FABP12: variants seen among roughly 807,000 people sequenced by gnomAD.
The protein encoded by FABP12 is fatty acid-binding protein 12.
In FABP12, 19 loss-of-function variants were observed where a neutral mutation model predicts 13.7. The ratio of observed to expected loss-of-function variants is 1.39; its 90% CI spans 0.97 to 2.04. The LOEUF is 2.04. Among genes scored for constraint, FABP12 ranks in the 30% most tolerant of loss-of-function variants. The pLI is 0.00. For missense variants in FABP12, 182 were observed against 164.2 expected (o/e 1.11, Z -0.59); for synonymous variants, 61 against 57.0 (o/e 1.07, Z -0.32).
At chr8:81,539,360 T>C (rs1416901280) in intron 2 of FABP12, among the ~76,000 whole-genome samples, 1 of 149,340 alleles carries the variant, frequency 6.7e-6, no homozygotes, top group Non-Finnish European at 1.5e-5. Context: ...ATAATAATTA[T>C]ATGATAAAAT....
intron 1 of FABP12, among the ~76,000 whole-genome samples, chr8:81,546,686 T>G (rs140239547): frequency 8.6e-4 from 131 of 152,196 alleles, no homozygotes; most frequent in African/African-American, 3.2e-3. Flanking sequence ...AAAATAAAAA[T>G]TTCAAAATAT....
At chr8:81,553,553 G>A (rs569876730) in intron 1 of FABP12, among the ~76,000 whole-genome samples, 2 of 152,226 alleles carry the variant, frequency 1.3e-5, no homozygotes, top group African/African-American at 2.4e-5. Flanking sequence ...AGAAATGGGA[G>A]AACCTAGAGA....
chr8:81,544,166 G>A (rs933233559), intron 1 of FABP12, among the ~76,000 whole-genome samples: 6 of 152,148 alleles, frequency 3.9e-5, no homozygotes, highest in Admixed American at 2.6e-4. Context: ...ACTGAAAAGG[G>A]AGGAGTTTAT....
chr8:81,585,521 T>C (rs539741705), intron 1 of FABP12, among the ~76,000 whole-genome samples: 11 of 152,220 alleles, frequency 7.2e-5, no homozygotes, highest in Non-Finnish European at 1.6e-4. Flanking sequence ...GTGTGATGCT[T>C]CCAGCTTTGT....
At chr8:81,553,676 C>T (rs1371833136) in intron 1 of FABP12, among the ~76,000 whole-genome samples, 2 of 152,138 alleles carry the variant, frequency 1.3e-5, no homozygotes, top group Non-Finnish European at 2.9e-5. Flanking sequence ...CAGGCTTATC[C>T]CACTATTCTA....
intron 1 of FABP12, among the ~76,000 whole-genome samples, chr8:81,557,283 T>C (rs138047279): frequency 3.3e-5 from 5 of 152,332 alleles, no homozygotes; most frequent in Admixed American, 2.0e-4. Context: ...TCTTTACTTA[T>C]AAAACACAAT....
chr8:81,537,547 G>A (rs1809252162), upstream of FABP12, among the ~76,000 whole-genome samples: 1 of 152,112 alleles, frequency 6.6e-6, no homozygotes, highest in Non-Finnish European at 1.5e-5. Context: ...AATGGAGAAA[G>A]TTCACTAGAA....
intron 1 of FABP12, among the ~76,000 whole-genome samples, chr8:81,548,225 AT>A (rs1197359963): frequency 6.6e-6 from 1 of 152,166 alleles, no homozygotes; most frequent in Non-Finnish European, 1.5e-5. Context: ...ATTTTCAAAA[AT>A]CCACCAAGTG....
chr8:81,580,379 T>C (rs1366707636), intron 1 of FABP12, among the ~76,000 whole-genome samples: 3 of 152,214 alleles, frequency 2.0e-5, no homozygotes, highest in Non-Finnish European at 4.4e-5. Context: ...ATTTTACTTT[T>C]ATAAGTTTTA....
intron 1 of FABP12, among the ~76,000 whole-genome samples, chr8:81,564,392 T>C (rs1809780001): frequency 6.6e-6 from 1 of 151,768 alleles, no homozygotes; most frequent in Non-Finnish European, 1.5e-5. Flanking sequence ...CATTATAAAA[T>C]ATAATTGTGG....
At chr8:81,526,968 TTA>T in intron 4 of FABP12, 50 bp downstream of exon 4, 1 of 1,035,704 alleles carries the variant, frequency 9.7e-7, no homozygotes, top group Non-Finnish European at 1.4e-6. Flanking sequence ...AGTTGTGATT[TTA>T]TATTAGTCGT....
intron 1 of FABP12, among the ~76,000 whole-genome samples, chr8:81,546,071 T>A (rs1438944853): frequency 6.6e-6 from 1 of 152,190 alleles, no homozygotes; most frequent in East Asian, 1.9e-4. Context: ...GACTTCATCA[T>A]ACACTGTCCC....
At chr8:81,578,736 G>A (rs1288479993) in intron 1 of FABP12, among the ~76,000 whole-genome samples, 3 of 149,844 alleles carry the variant, frequency 2.0e-5, no homozygotes, top group African/African-American at 7.4e-5. Context: ...CGTCCACCTC[G>A]GCCTCCTAAA....
chr8:81,534,561 C>T (rs2129967359), upstream of FABP12, among the ~76,000 whole-genome samples: 1 of 152,282 alleles, frequency 6.6e-6, no homozygotes, highest in South Asian at 2.1e-4. Flanking sequence ...ACTTCTTGTT[C>T]ATCCTGCCTG....
At chr8:81,587,529 A>G (rs561135970) in intron 1 of FABP12, among the ~76,000 whole-genome samples, 1 of 152,210 alleles carries the variant, frequency 6.6e-6, no homozygotes, top group Non-Finnish European at 1.5e-5. Context: ...CTGTATTTAT[A>G]GATATTTTAT....
intron 1 of FABP12, among the ~76,000 whole-genome samples, chr8:81,561,657 G>T (rs994216833): frequency 6.6e-6 from 1 of 152,176 alleles, no homozygotes; most frequent in Non-Finnish European, 1.5e-5. Context: ...CACGGTGATT[G>T]TGGGACTTTG....
chr8:81,565,560 GTGT>G (rs1563554081), intron 1 of FABP12, among the ~76,000 whole-genome samples: 1 of 151,938 alleles, frequency 6.6e-6, no homozygotes, highest in African/African-American at 2.4e-5. Context: ...ATTAAACAAC[GTGT>G]TGTTGAATGA....
intron 1 of FABP12, among the ~76,000 whole-genome samples, chr8:81,578,882 T>C (rs1180267125): frequency 7.4e-6 from 1 of 134,840 alleles, no homozygotes; most frequent in Non-Finnish European, 1.5e-5. Context: ...TGGAGTGCAG[T>C]GGCACAATCT....
At chr8:81,549,712 C>T (rs1377012233) in intron 1 of FABP12, among the ~76,000 whole-genome samples, 1 of 152,106 alleles carries the variant, frequency 6.6e-6, no homozygotes, top group East Asian at 1.9e-4. Context: ...AGGTACTAAC[C>T]TCATGTTCTG....
Sources: gnomAD v4.1 joint callset for allele counts (sites outside exome capture counted in the v4.1 genomes callset) on GRCh38, gnomAD v4.1.1 for gene constraint, MANE v1.5 for transcripts, NCBI Gene and HGNC (gene_info 2026-07-23, HGNC 2026-07-21) for gene names.